ASB5: variants seen among roughly 807,000 people sequenced by gnomAD.
ASB5 encodes ankyrin repeat and SOCS box containing 5, also known as ankyrin repeat and SOCS box protein 5.
A neutral mutation model predicts 42.1 loss-of-function variants in ASB5; 45 were observed. The observed-to-expected ratio is 1.07, with a 90% CI of 0.84 to 1.37. The LOEUF (loss-of-function observed/expected upper bound fraction) is 1.37. ASB5 is among the 40% of genes most tolerant of loss of function. The pLI is 0.00. For synonymous variants in ASB5, 147 were observed against 150.6 expected (o/e 0.98, Z 0.18); for missense variants, 402 against 399.8 (o/e 1.01, Z -0.05).
intron 1 of ASB5, among the ~76,000 whole-genome samples, chr4:176,245,289 T>C (rs1485660726): frequency 6.6e-6 from 1 of 151,986 alleles, no homozygotes; most frequent in Non-Finnish European, 1.5e-5. Flanking sequence ...AACAGACACA[T>C]GAAAAAATGC....
chr4:176,246,130 A>G (rs1340396778), intron 1 of ASB5, among the ~76,000 whole-genome samples: 1 of 152,228 alleles, frequency 6.6e-6, no homozygotes, highest in Admixed American at 6.5e-5. Flanking sequence ...AACTTAGGCT[A>G]ATTAGAACTT....
intron 1 of ASB5, among the ~76,000 whole-genome samples, chr4:176,235,641 C>T (rs1753666245): frequency 6.6e-6 from 1 of 152,046 alleles, no homozygotes; most frequent in Non-Finnish European, 1.5e-5. Context: ...TATTACTTAT[C>T]TTTGTGAATA....
chr4:176,260,542 T>G (rs1160381387), intron 1 of ASB5, among the ~76,000 whole-genome samples: 3 of 152,222 alleles, frequency 2.0e-5, no homozygotes, highest in Non-Finnish European at 2.9e-5. Context: ...GACATGATAT[T>G]CTTTGGGCAT....
At chr4:176,244,871 G>A (rs1753879025) in intron 1 of ASB5, among the ~76,000 whole-genome samples, 1 of 152,140 alleles carries the variant, frequency 6.6e-6, no homozygotes, top group Non-Finnish European at 1.5e-5. Flanking sequence ...TTCAAGTGGG[G>A]AGGATCACTT....
chr4:176,264,855 T>G (rs976584099), intron 1 of ASB5, among the ~76,000 whole-genome samples: 4 of 152,160 alleles, frequency 2.6e-5, no homozygotes, highest in Non-Finnish European at 5.9e-5. Flanking sequence ...TGAATGCTAT[T>G]TACAGGCATC....
chr4:176,249,652 C>T (rs1346718883), intron 1 of ASB5: 1 of 152,180 alleles, frequency 6.6e-6, no homozygotes, highest in East Asian at 1.9e-4. Context: ...AATTTCTCCT[C>T]ATATGAAACT....
At chr4:176,227,034 T>C (rs1753399471) in intron 1 of ASB5, among the ~76,000 whole-genome samples, 1 of 152,228 alleles carries the variant, frequency 6.6e-6, no homozygotes, top group African/African-American at 2.4e-5. Flanking sequence ...TTATCTCCCC[T>C]GCAGTAAAAT....
intron 1 of ASB5, 78 bp downstream of exon 1, chr4:176,268,835 T>G: frequency 1.6e-6 from 2 of 1,249,738 alleles, no homozygotes; most frequent in East Asian, 2.6e-5. Context: ...TGAAGCAGTC[T>G]AAAAAGAAAA....
At chr4:176,262,688 G>T (rs115447852) in intron 1 of ASB5, among the ~76,000 whole-genome samples, 91 of 152,224 alleles carry the variant, frequency 6.0e-4, no homozygotes, top group African/African-American at 2.0e-3. Flanking sequence ...AAAGACAGTG[G>T]TTAGTTTCTA....
At chr4:176,273,779 T>A (rs1384212099), upstream of ASB5, among the ~76,000 whole-genome samples, 1 of 152,234 alleles carries the variant, frequency 6.6e-6, no homozygotes, top group Non-Finnish European at 1.5e-5. Context: ...CAGAAAAACT[T>A]GGCTGAAAGC....
rs762714429 is a variant in ASB5 at position 176,221,255 on chromosome 4, C to T, written c.570G>A (p.Trp190Ter). The change falls in exon 5 of 7, where the codon TGG (tryptophan) becomes TGA (stop). Residue 190 changes from tryptophan to a stop codon, truncating the protein, a stop_gained. Transcript: ENST00000296525. LOFTEE classifies it high-confidence loss of function. ...HHECLDILIS[W>*]GIDVDQEIPH... ...GAATTTCTTGGTCAACATCTATGCC[C>T]CAGGATATCAGGATGTCAAGACATT... 1.2e-6 allele frequency: 2 copies of T among 1,614,070 alleles called. No homozygotes were observed. The highest frequency in any genetic ancestry group is 1.3e-5 in the African/African-American group (1 of 75,034).
chr4:176,276,012 A>G (rs1754558732), intron 1 of ASB5: 1 of 152,200 alleles, frequency 6.6e-6, no homozygotes, highest in Non-Finnish European at 1.5e-5. Flanking sequence ...ACCTTGCTCT[A>G]ATTTCAAATA....
intron 1 of ASB5, chr4:176,241,701 A>G (rs1164441708): frequency 1.6e-6 from 2 of 1,282,974 alleles, no homozygotes; most frequent in Non-Finnish European, 2.0e-6. Flanking sequence ...TCTGAGAGTA[A>G]GCCTGACATA....
At chr4:176,236,004 T>C (rs1753675313) in intron 1 of ASB5, among the ~76,000 whole-genome samples, 1 of 152,102 alleles carries the variant, frequency 6.6e-6, no homozygotes, top group Admixed American at 6.6e-5. Context: ...TATGTGCCAC[T>C]GGGCCTGGCT....
At chr4:176,268,811 TA>T in intron 1 of ASB5, 101 bp downstream of exon 1, 1 of 1,031,192 alleles carries the variant, frequency 9.7e-7, no homozygotes, top group Non-Finnish European at 1.3e-6. Flanking sequence ...CAAAAGTTTA[TA>T]AAATATTTAC....
At chr4:176,233,804 G>T (rs79882602) in intron 1 of ASB5, among the ~76,000 whole-genome samples, 1 of 152,144 alleles carries the variant, frequency 6.6e-6, no homozygotes, top group East Asian at 1.9e-4. Flanking sequence ...TTTAGGTTTG[G>T]CTGTTCAACT....
intron 1 of ASB5, among the ~76,000 whole-genome samples, chr4:176,242,767 AAGTG>A (rs1753835904): frequency 6.6e-6 from 1 of 152,172 alleles, no homozygotes; most frequent in Non-Finnish European, 1.5e-5. Context: ...AATTTGTGGA[AAGTG>A]AGTGTTTTAT....
At chr4:176,237,498 G>A (rs1753715591) in intron 1 of ASB5, 1 of 985,454 alleles carries the variant, frequency 1.0e-6, no homozygotes. Flanking sequence ...TCAGCGTCTG[G>A]ATTTCTAACT....
chr4:176,270,924 G>A (rs751367556), upstream of ASB5, among the ~76,000 whole-genome samples: 1 of 152,092 alleles, frequency 6.6e-6, no homozygotes, highest in Non-Finnish European at 1.5e-5. Flanking sequence ...CCTTAGTCAC[G>A]TCTAAGTGCC....
Sources: gnomAD v4.1 joint callset for allele counts (sites outside exome capture counted in the v4.1 genomes callset) on GRCh38, gnomAD v4.1.1 for gene constraint, MANE v1.5 for transcripts, NCBI Gene and HGNC (gene_info 2026-07-23, HGNC 2026-07-21) for gene names.